Variants in CCPG1 observed in about 807,000 individuals in gnomAD.
CCPG1 encodes cell cycle progression 1.
Under a neutral mutation model 81.3 loss-of-function variants are expected in CCPG1, and 46 were observed. The ratio of observed to expected loss-of-function variants is 0.57; its 90% CI spans 0.45 to 0.72. The LOEUF is 0.72. CCPG1 is among the 30% of genes least tolerant of loss of function. The pLI is 0.00. For missense variants in CCPG1, 902 were observed against 937.6 expected, an observed-to-expected ratio of 0.96 and a Z score of 0.50; for synonymous variants, 330 against 305.2, an observed-to-expected ratio of 1.08 and a Z score of -0.85.
At chr15:55,403,359 T>G (rs1244466858) in intron 1 of CCPG1, among the ~76,000 whole-genome samples, 1 of 151,326 alleles carries the variant, frequency 6.6e-6, no homozygotes, top group Non-Finnish European at 1.5e-5. Flanking sequence ...GAACCAGAAG[T>G]AAGATTTTGT....
At position 55,365,212 on chromosome 15, in the gene CCPG1, T is replaced by C. The variant is rs752330132; in HGVS notation, c.804A>G (p.Glu268=). ...MKDYLSQCQQ[E]QESFIDYKSL... is the part of the protein sequence containing the mutation. ...CCTTATAATCTATAAAAGATTCTTGTTCCTGTTGACACTGGGAAAGATAAT... is the reference window on the plus strand; with the variant it reads ...CCTTATAATCTATAAAAGATTCTTGCTCCTGTTGACACTGGGAAAGATAAT... Residue 268 remains glutamate, a synonymous_variant, in exon 7 of 9, where the codon GAA becomes GAG. Transcript: ENST00000442196. 2.0e-6 allele frequency: 3 copies of C among 1,471,852 alleles called. No individual in the cohort carries two copies. In the South Asian group the frequency reaches 3.6e-5, roughly 18 times the overall value. The allele number at this position is 1,471,852 out of a possible 1,614,324, so 91.2% of individuals were successfully genotyped here.
chr15:55,364,388 C>T (rs1380055334), intron 7 of CCPG1, among the ~76,000 whole-genome samples: 1 of 150,210 alleles, frequency 6.7e-6, no homozygotes, highest in African/African-American at 2.5e-5. Flanking sequence ...CAAAACTCTC[C>T]TCTTTCCCTC....
chr15:55,378,372 G>A lies in CCPG1; in HGVS notation c.180C>T (p.Ser60=), dbSNP rs370744303. The A allele has an allele frequency of 1.1e-5, 17 of 1,600,872 alleles. No homozygotes were observed. Among genetic ancestry groups the A allele is most frequent in the Non-Finnish European group, 1.4e-5 (16 of 1,171,054 alleles). Reference sequence around the variant, plus strand: ...CCATAAGCACTGTGCCATTTTGGCTGCTTTCTGATATAAAGCAAAGATCAA... The same window carrying A: ...CCATAAGCACTGTGCCATTTTGGCTACTTTCTGATATAAAGCAAAGATCAA... ...LQALQIEQGE[S]SQNGTVLMEE... is the part of the protein sequence containing the mutation. The change falls in exon 4 of 9, where the codon AGC becomes AGT. Residue 60 remains serine, a synonymous_variant. Coordinates refer to ENST00000442196, the MANE Select transcript of CCPG1 (RefSeq NM_001204450.2).
chr15:55,381,959 C>T (rs911141105), intron 3 of CCPG1, among the ~76,000 whole-genome samples: 1 of 152,204 alleles, frequency 6.6e-6, no homozygotes, highest in Non-Finnish European at 1.5e-5. Context: ...TTACACTATG[C>T]TGTAATCTAT....
chr15:55,372,148 C>T (rs2056462680), intron 5 of CCPG1, 104 bp from the exon 6 acceptor site: 1 of 1,106,322 alleles, frequency 9.0e-7, no homozygotes, highest in South Asian at 1.6e-5. Flanking sequence ...TGCCTTTCTA[C>T]ATAAGATAGC....
chr15:55,366,753 C>T (rs545369996), intron 6 of CCPG1, among the ~76,000 whole-genome samples: 1 of 152,236 alleles, frequency 6.6e-6, no homozygotes, highest in East Asian at 1.9e-4. Flanking sequence ...GCCTGGGCAA[C>T]AAGAGCGAAA....
chr15:55,363,084 A>G (rs2056238823), intron 7 of CCPG1, among the ~76,000 whole-genome samples: 1 of 151,854 alleles, frequency 6.6e-6, no homozygotes, highest in African/African-American at 2.4e-5. Context: ...GCAGTGACTC[A>G]CGCCTGTAAT....
At position 55,359,992 on chromosome 15, in the gene CCPG1, T is replaced by C. The variant is rs1345066789; in HGVS notation, c.1781A>G (p.Lys594Arg). The change falls in exon 8 of 9, where the codon AAA becomes AGA. Residue 594 changes from lysine to arginine, a missense_variant. Around this residue, in one of 3 missense-constraint regions of CCPG1, gnomAD observed 746 missense variants for 728.6 expected, o/e 1.02. Coordinates refer to ENST00000442196, the MANE Select transcript of CCPG1 (RefSeq NM_001204450.2). ...RGPTMQNDGR[K>R]EKPVHFKEFR... ...TTCTTTAAAGTGAACTGGCTTTTCT[T>C]TCCTTCCATCATTTTGCATAGTAGG... 3 of 1,612,902 alleles carry C rather than the reference T, an allele frequency of 1.9e-6. No individual in the cohort carries two copies. The highest frequency in any genetic ancestry group is 2.7e-5 in the African/African-American group (2 of 74,788).
In CCPG1 at chr15:55,355,541, C is replaced by T; in HGVS notation, c.*679G>A. ...GGAACTTAGAAAAAAGCTGTATGAA[C>T]TGCTTTACCAAATATCACTACTGAG... On this transcript the variant is annotated 3_prime_UTR_variant, in exon 9 of 9. Coordinates refer to ENST00000442196, the MANE Select transcript of CCPG1 (RefSeq NM_001204450.2). 4 of 827,030 alleles carry T rather than the reference C, an allele frequency of 4.8e-6. No homozygotes were observed. Among genetic ancestry groups the T allele is most frequent in the Non-Finnish European group, 7.6e-6 (4 of 527,186 alleles). 51.2% of individuals were successfully genotyped at this position (827,030 alleles called of 1,614,324 possible). A position where few individuals can be genotyped will look rare whatever the true frequency, so the allele number is the denominator to read the frequency against.
rs757376460 is a variant in CCPG1 at position 55,355,425 on chromosome 15, A to G, written c.*795T>C. 3.1e-6 allele frequency: 5 copies of G among 1,605,930 alleles called. No homozygotes were observed. The South Asian group carries it at 5.6e-5, about 18-fold the overall frequency. ...AAAGGGAAATTCAACATGAAGATGA[A>G]ATTCTGAACTTTCCTAGATAAATTA... On this transcript the variant is annotated 3_prime_UTR_variant, in exon 9 of 9. Transcript: ENST00000442196.
intron 1 of CCPG1, among the ~76,000 whole-genome samples, chr15:55,407,026 G>T (rs1444774286): frequency 2.1e-5 from 3 of 143,992 alleles, no homozygotes; most frequent in Non-Finnish European, 3.0e-5. Flanking sequence ...CAGCCTGGCC[G>T]ACACGTTGAG....
At chr15:55,377,311 A>G (rs928160640) in intron 4 of CCPG1, among the ~76,000 whole-genome samples, 161 bp from the exon 5 acceptor site, 5 of 152,250 alleles carry the variant, frequency 3.3e-5, no homozygotes, top group African/African-American at 1.2e-4. Flanking sequence ...GGCTCATCAT[A>G]TAGCTTGAGA....
chr15:55,405,620 T>A (rs1298330686), intron 1 of CCPG1, among the ~76,000 whole-genome samples: 1 of 151,888 alleles, frequency 6.6e-6, no homozygotes, highest in Admixed American at 6.6e-5. Flanking sequence ...TGTGTTGGGA[T>A]CACTTGAGCC....
chr15:55,369,680 A>C (rs1376666164), intron 6 of CCPG1, among the ~76,000 whole-genome samples: 2 of 152,234 alleles, frequency 1.3e-5, no homozygotes, highest in East Asian at 3.8e-4. Context: ...TGAAAAGGCT[A>C]ATATCAAGTA....
chr15:55,382,286 A>T (rs539878626), intron 3 of CCPG1, among the ~76,000 whole-genome samples: 4 of 152,210 alleles, frequency 2.6e-5, no homozygotes, highest in Non-Finnish European at 5.9e-5. Flanking sequence ...ACAACTTTCA[A>T]AATTGGAGTC....
chr15:55,365,309 C>A lies in CCPG1; in HGVS notation c.707G>T (p.Gly236Val). ...AISMGFGHFY[G>V]TIQIQKRQQL... Reference sequence around the variant, plus strand: ...TTGACGCTTCTGAATCTGAATTGTGCCTAAAATAAATATTTTTATTAAAGG... The same window carrying A: ...TTGACGCTTCTGAATCTGAATTGTGACTAAAATAAATATTTTTATTAAAGG... The change falls in exon 7 of 9, where the codon GGC becomes GTC. Residue 236 changes from glycine (G) to valine (V), a missense_variant and splice_region_variant. Transcript: ENST00000442196. 1 of 1,507,172 alleles carries A rather than the reference C, an allele frequency of 6.6e-7. No homozygotes were observed. The highest frequency in any genetic ancestry group is 9.0e-7 in the Non-Finnish European group (1 of 1,105,296). The allele number at this position is 1,507,172 out of a possible 1,614,324, so 93.4% of individuals were successfully genotyped here. A position where few individuals can be genotyped will look rare whatever the true frequency, so the allele number is the denominator to read the frequency against.
intron 1 of CCPG1, among the ~76,000 whole-genome samples, chr15:55,391,128 C>A (rs1447613570): frequency 6.6e-6 from 1 of 152,142 alleles, no homozygotes; most frequent in African/African-American, 2.4e-5. Flanking sequence ...TATTTCTTTT[C>A]TTTATTTTGA....
In CCPG1 at chr15:55,360,536, C is replaced by G; in HGVS notation, c.1237G>C (p.Asp413His). Reference sequence around the variant, plus strand: ...TTTTCAGTATATACATTGGGAGAATCTGACTTGCCATGTAACTGACTACCA... The same window carrying G: ...TTTTCAGTATATACATTGGGAGAATGTGACTTGCCATGTAACTGACTACCA... The part of the protein sequence containing the change: ...LSGSQLHGKS[D>H]SPNVYTEKKE... Residue 413 changes from aspartate (D) to histidine (H), a missense_variant, in exon 8 of 9, where the codon GAT becomes CAT. This residue lies in a region of CCPG1 where 746 missense variants were observed against 728.6 expected (regional missense o/e 1.02). Coordinates refer to ENST00000442196, the MANE Select transcript of CCPG1 (RefSeq NM_001204450.2). 6.2e-7 allele frequency: 1 copy of G among 1,614,080 alleles called. No individual in the cohort carries two copies.
At chr15:55,404,291 G>C (rs901670770) in intron 1 of CCPG1, among the ~76,000 whole-genome samples, 3 of 152,032 alleles carry the variant, frequency 2.0e-5, no homozygotes, top group African/African-American at 7.2e-5. Flanking sequence ...AGTGTTAATG[G>C]ACACTTGGTG....
Sources: gnomAD v4.1 joint callset for allele counts (sites outside exome capture counted in the v4.1 genomes callset) on GRCh38, gnomAD v4.1.1 for gene constraint, gnomAD v4.1.1 regional missense constraint, MANE v1.5 for transcripts, NCBI Gene and HGNC (gene_info 2026-07-23, HGNC 2026-07-21) for gene names.